The following COL4A2 variants were observed in gnomAD, a reference collection of about 807,000 sequenced individuals.
COL4A2 encodes collagen type IV alpha 2 chain.
In COL4A2, 99 loss-of-function variants were observed where a neutral mutation model predicts 200.2. That is an observed-to-expected ratio of 0.49 (90% CI 0.42 to 0.58). The LOEUF is 0.58. COL4A2 is among the 20% of genes least tolerant of loss of function. The pLI, the probability that COL4A2 is intolerant of heterozygous loss-of-function variation, is 0.00. For synonymous variants in COL4A2, 897 were observed against 900.6 expected (o/e 1.00, Z 0.07); for missense variants, 1,950 against 2,314.1 (o/e 0.84, Z 3.23).
intron 32 of COL4A2, among the ~76,000 whole-genome samples, chr13:110,483,542 C>T (rs955607288): frequency 1.3e-5 from 2 of 152,242 alleles, no homozygotes; most frequent in African/African-American, 4.8e-5. Context: ...CAGAGCTGTG[C>T]AAGGGCACAT....
chr13:110,512,032 A>G lies in COL4A2; in HGVS notation c.4980A>G (p.Gly1660=), dbSNP rs750070639. Reference sequence around the variant, plus strand: ...CCACACCATTCATCGAATGCAATGGAGGCCGCGGCACCTGCCACTACTACG... The same window carrying G: ...CCACACCATTCATCGAATGCAATGGGGGCCGCGGCACCTGCCACTACTACG... The part of the protein sequence containing the change: ...FRATPFIECN[G]GRGTCHYYAN... Residue 1660 remains glycine, a synonymous_variant, in exon 48 of 48, where the codon GGA becomes GGG. Transcript: ENST00000360467. The G allele has an allele frequency of 4.3e-6, 7 of 1,613,396 alleles. No individual in the cohort carries two copies. The highest frequency in any genetic ancestry group is 5.9e-6 in the Non-Finnish European group (7 of 1,180,032).
chr13:110,472,779 AAG>A (rs1179492653), intron 28 of COL4A2, 148 bp from the exon 29 acceptor site: 1 of 659,374 alleles, frequency 1.5e-6, no homozygotes, highest in Non-Finnish European at 2.6e-6. Context: ...AGGTTCCAAA[AAG>A]GGCGACAGGG....
chr13:110,470,720 C>A (rs868361456), intron 28 of COL4A2, among the ~76,000 whole-genome samples: 2 of 152,170 alleles, frequency 1.3e-5, no homozygotes, highest in African/African-American at 4.8e-5. Flanking sequence ...GAACATCTTG[C>A]AAATGTTCCC....
At chr13:110,466,704 C>T (rs1342708329) in intron 26 of COL4A2, among the ~76,000 whole-genome samples, 2 of 152,188 alleles carry the variant, frequency 1.3e-5, no homozygotes, top group East Asian at 3.9e-4. Context: ...AGAAAAGCAT[C>T]CACACTGACT....
chr13:110,444,300 T>C (rs1881242968), intron 16 of COL4A2, among the ~76,000 whole-genome samples: 1 of 152,128 alleles, frequency 6.6e-6, no homozygotes, highest in Non-Finnish European at 1.5e-5. Flanking sequence ...TGGCCCAGAG[T>C]GAAGCTCAGA....
At chr13:110,385,416 TA>T (rs1374326967) in intron 4 of COL4A2, among the ~76,000 whole-genome samples, 18 of 97,816 alleles carry the variant, frequency 1.8e-4, no homozygotes, top group African/African-American at 5.6e-4. Flanking sequence ...AGTGTGTGGA[TA>T]GACTGTGGTT....
intron 4 of COL4A2, among the ~76,000 whole-genome samples, chr13:110,389,423 C>G (rs1035079947): frequency 3.3e-5 from 5 of 152,150 alleles, no homozygotes; most frequent in African/African-American, 1.2e-4. Context: ...TGCGAGAATC[C>G]ACCCTTCATG....
At chr13:110,434,336 A>C in intron 11 of COL4A2, 65 bp from the exon 12 acceptor site, 2 of 1,514,938 alleles carry the variant, frequency 1.3e-6, no homozygotes, top group Non-Finnish European at 1.8e-6. Context: ...TTTCTAAGAA[A>C]AATAATTTTA....
Position 110,388,883 on chromosome 13 carries a change from CTG to C in COL4A2, c.180+31335_180+31336del, listed in dbSNP as rs144853624. On this transcript the variant is annotated intron_variant, in intron 4 of 47. Coordinates refer to ENST00000360467, the MANE Select transcript of COL4A2 (RefSeq NM_001846.4). ...ATCCCACAGGCCAGCTGCTTCAAAG[CTG>C]TGTCTTTCCTTGGGCCCCTTCTGAC... Among the ~76,000 whole-genome samples the C allele has an allele frequency of 2.6e-4, 39 of 152,328 alleles. No individual in the cohort carries two copies. In the East Asian group the frequency reaches 5.8e-3, roughly 23 times the overall value.
intron 12 of COL4A2, 96 bp from the exon 13 acceptor site, chr13:110,436,173 T>A: frequency 6.4e-7 from 1 of 1,566,716 alleles, no homozygotes; most frequent in Non-Finnish European, 8.8e-7. Context: ...TATGCAAACA[T>A]TAAAACTGCA....
intron 4 of COL4A2, among the ~76,000 whole-genome samples, chr13:110,358,645 G>A (rs374490279): frequency 1.6e-4 from 25 of 152,166 alleles, no homozygotes; most frequent in East Asian, 3.8e-4. Flanking sequence ...GGGCAGATCC[G>A]GTGTCATCTT....
intron 3 of COL4A2, among the ~76,000 whole-genome samples, chr13:110,320,722 G>A (rs1316766629): frequency 6.6e-6 from 1 of 152,148 alleles, no homozygotes; most frequent in Non-Finnish European, 1.5e-5. Flanking sequence ...AAAGATCATA[G>A]GTAGATAGAA....
chr13:110,477,907 T>C (rs780834593), intron 29 of COL4A2, 96 bp from the exon 30 acceptor site: 5 of 1,221,554 alleles, frequency 4.1e-6, no homozygotes, highest in Non-Finnish European at 5.4e-6. Context: ...AAAGCATGAA[T>C]TGCTCTTTTT....
At chr13:110,311,849 G>T (rs547761653) in intron 3 of COL4A2, among the ~76,000 whole-genome samples, 1 of 152,346 alleles carries the variant, frequency 6.6e-6, no homozygotes, top group Non-Finnish European at 1.5e-5. Context: ...TCAGTGCGGG[G>T]CCCCTGCCTG....
At chr13:110,467,860 A>G (rs1455068370) in intron 27 of COL4A2, among the ~76,000 whole-genome samples, 5 of 152,230 alleles carry the variant, frequency 3.3e-5, no homozygotes, top group Non-Finnish European at 5.9e-5. Flanking sequence ...TCTGAGCAGT[A>G]GGAATTCCCC....
In COL4A2 at chr13:110,471,976, C is replaced by A. The variant is rs571631881; in HGVS notation, c.2204-953C>A. ...TGACTGTCAGCTGTGGGAGTTCATT[C>A]TGAGGCCATGTCAGGGCTGACTGCA... On this transcript the variant is annotated intron_variant, in intron 28 of 47. Transcript: ENST00000360467. 1.1e-4 allele frequency among the ~76,000 whole-genome samples: 16 copies of A among 152,212 alleles called. No individual in the cohort carries two copies. In the South Asian group the frequency reaches 2.9e-3, roughly 28 times the overall value.
At chr13:110,324,657 G>A (rs1885359757) in intron 3 of COL4A2, among the ~76,000 whole-genome samples, 1 of 152,228 alleles carries the variant, frequency 6.6e-6, no homozygotes, top group Non-Finnish European at 1.5e-5. Context: ...CCAGGTGATG[G>A]TGGTGCTGCT....
chr13:110,430,043 T>C, intron 8 of COL4A2, 87 bp downstream of exon 8: 1 of 1,344,864 alleles, frequency 7.4e-7, no homozygotes, highest in Non-Finnish European at 1.0e-6. Flanking sequence ...GAACTTTGCA[T>C]GTAAGAATGA....
Position 110,445,835 on chromosome 13 carries a change from C to T in COL4A2, c.964C>T (p.Arg322Ter), listed in dbSNP as rs1237717942. ...GCAAATATCTTTCTTGCAGGGAAGC[C>T]GAGGCCTGGATGGCTATCAAGGGCC... Reference protein sequence around the residue: ...EKGSPGQKGSRGLDGYQGPDG... With the variant: ...EKGSPGQKGS Residue 322 changes from arginine to a stop codon, truncating the protein, a stop_gained, in exon 17 of 48, where the codon CGA becomes TGA. Transcript: ENST00000360467. LOFTEE classifies it high-confidence loss of function. 8 of 1,613,990 alleles carry T rather than the reference C, an allele frequency of 5.0e-6. No individual in the cohort carries two copies. Among genetic ancestry groups the T allele is most frequent in the African/African-American group, 1.3e-5 (1 of 74,886 alleles).
Sources: gnomAD v4.1 joint callset for allele counts (sites outside exome capture counted in the v4.1 genomes callset) on GRCh38, gnomAD v4.1.1 for gene constraint, MANE v1.5 for transcripts, NCBI Gene and HGNC (gene_info 2026-07-23, HGNC 2026-07-21) for gene names.